The following CNGA3 variants were observed in gnomAD, a reference collection of about 807,000 sequenced individuals.
CNGA3 encodes the protein cyclic nucleotide gated channel subunit alpha 3.
In CNGA3, 42 loss-of-function variants were observed where a neutral mutation model predicts 46.6. That is an observed-to-expected ratio of 0.90 (90% CI 0.70 to 1.17). The LOEUF (loss-of-function observed/expected upper bound fraction) is 1.17, where lower values mean the gene tolerates loss of function less well. CNGA3 is among the 50% of genes most tolerant of loss of function. CNGA3 has a pLI of 0.00. For missense variants in CNGA3, 893 were observed against 890.7 expected, an observed-to-expected ratio of 1.00 and a Z score of -0.03; for synonymous variants, 394 against 369.4, an observed-to-expected ratio of 1.07 and a Z score of -0.76.
chr2:98,395,158 A>T (rs1692878871), intron 7 of CNGA3, among the ~76,000 whole-genome samples: 3 of 151,716 alleles, frequency 2.0e-5, no homozygotes, highest in African/African-American at 7.3e-5. Flanking sequence ...ATCAATTGAG[A>T]TCTGCCTCCG....
At chr2:98,380,402 G>A in intron 4 of CNGA3, 48 bp downstream of exon 4, 1 of 1,584,646 alleles carries the variant, frequency 6.3e-7, no homozygotes, top group South Asian at 1.1e-5. Flanking sequence ...GCTGGGGCCA[G>A]GCAGGAAGCC....
rs777928738 is a variant in CNGA3, at chr2:98,395,824, A to G, written c.674-20A>G. On this transcript the variant is annotated intron_variant, in intron 7 of 7. Coordinates refer to ENST00000272602, the MANE Select transcript of CNGA3 (RefSeq NM_001298.3). Reference sequence around the variant, plus strand: ...AAGTCAGCCTCTGTGATGCCCAATGACCTCCATCTTCTTCTTTAGGTTTTC... The same window carrying G: ...AAGTCAGCCTCTGTGATGCCCAATGGCCTCCATCTTCTTCTTTAGGTTTTC... 1 of 1,611,770 alleles carries G rather than the reference A, an allele frequency of 6.2e-7. No homozygotes were observed. The highest frequency in any genetic ancestry group is 1.3e-5 in the African/African-American group (1 of 74,838).
intron 1 of CNGA3, among the ~76,000 whole-genome samples, chr2:98,364,440 T>C (rs1178780285): frequency 6.6e-6 from 1 of 152,188 alleles, no homozygotes; most frequent in Non-Finnish European, 1.5e-5. Context: ...TTGCAACCCC[T>C]GCTTTTTTCT....
At chr2:98,380,485 A>G in intron 4 of CNGA3, 131 bp downstream of exon 4, 1 of 1,204,844 alleles carries the variant, frequency 8.3e-7, no homozygotes, top group South Asian at 1.3e-5. Flanking sequence ...TGTTCCTTGA[A>G]GAAAGTGTTT....
chr2:98,386,233 T>C (rs1283582181), intron 5 of CNGA3, among the ~76,000 whole-genome samples: 3 of 152,188 alleles, frequency 2.0e-5, no homozygotes, highest in Admixed American at 2.0e-4. Flanking sequence ...GGTTACCTCA[T>C]ATGGCAAAGG....
Position 98,398,159 on chromosome 2 carries a change from C to T in CNGA3, c.*904C>T, listed in dbSNP as rs867630128. 5.3e-5 allele frequency: 8 copies of T among 152,252 alleles called. No homozygotes were observed. The highest frequency in any genetic ancestry group is 3.4e-3 in the Middle Eastern group (1 of 294). The allele number at this position is 152,252 out of a possible 1,614,324, so 9.4% of individuals were successfully genotyped here. ...TTTTAGAAGATTAGACCATTAGGAA[C>T]GTATCTTTGCAAACTGCCCATTCAC... On this transcript the variant is annotated 3_prime_UTR_variant, in exon 8 of 8. Coordinates refer to ENST00000272602, the MANE Select transcript of CNGA3 (RefSeq NM_001298.3).
chr2:98,377,784 G>C lies in CNGA3; in HGVS notation c.199G>C (p.Gly67Arg), dbSNP rs147789073. 2 of 1,611,240 alleles carry C rather than the reference G, an allele frequency of 1.2e-6. No individual in the cohort carries two copies. Among genetic ancestry groups the C allele is most frequent in the Non-Finnish European group, 1.7e-6 (2 of 1,179,662 alleles). The change falls in exon 3 of 8, where the codon GGC (glycine) becomes CGC (arginine). Residue 67 changes from glycine (G) to arginine (R), a missense_variant. By Grantham distance (125) the Gly-to-Arg change is moderately radical. This residue lies in a region of CNGA3 where 333 missense variants were observed against 290.8 expected (regional missense o/e 1.15). Transcript: ENST00000272602. The stretch of plus-strand genomic sequence containing the variant: ...TGACTCCGGGCAGGGCTCCTTCACC[G>C]GCCAGGGGATCGCCAGGTAACTGAC... ...LADSGQGSFT[G>R]QGIARLSRLI... is the part of the protein sequence containing the mutation.
chr2:98,364,150 G>A (rs190536485), intron 1 of CNGA3, among the ~76,000 whole-genome samples: 2 of 152,190 alleles, frequency 1.3e-5, no homozygotes, highest in African/African-American at 4.8e-5. Flanking sequence ...GGCCAAGGTG[G>A]GCAGATCACT....
At chr2:98,390,174 C>T (rs1692752613) in intron 6 of CNGA3, among the ~76,000 whole-genome samples, 1 of 151,512 alleles carries the variant, frequency 6.6e-6, no homozygotes, top group African/African-American at 2.4e-5. Context: ...CTCACTCTGT[C>T]ACCCAGGCTG....
chr2:98,354,011 C>G (rs1691824252), intron 1 of CNGA3, among the ~76,000 whole-genome samples: 1 of 152,174 alleles, frequency 6.6e-6, no homozygotes, highest in Non-Finnish European at 1.5e-5. Context: ...CCACAAGGCT[C>G]CACCTCCAAC....
At chr2:98,384,352 C>T (rs899574528) in intron 5 of CNGA3, among the ~76,000 whole-genome samples, 22 of 152,114 alleles carry the variant, frequency 1.4e-4, no homozygotes, top group African/African-American at 5.1e-4. Flanking sequence ...TTAGGGACAG[C>T]GTGGCACTAT....
intron 1 of CNGA3, among the ~76,000 whole-genome samples, chr2:98,364,560 C>T (rs1444969743): frequency 6.6e-6 from 1 of 152,084 alleles, no homozygotes; most frequent in Non-Finnish European, 1.5e-5. Context: ...GGTCTTGACT[C>T]CTTATCGAGC....
chr2:98,366,715 A>G (rs1692160860), intron 1 of CNGA3, among the ~76,000 whole-genome samples: 1 of 152,214 alleles, frequency 6.6e-6, no homozygotes, highest in Admixed American at 6.5e-5. Context: ...TCCTGGGCCC[A>G]AACTGCCCAG....
intron 7 of CNGA3, among the ~76,000 whole-genome samples, chr2:98,393,205 C>T (rs371828214): frequency 2.6e-5 from 4 of 151,358 alleles, no homozygotes; most frequent in Non-Finnish European, 5.9e-5. Context: ...GTCATGGCCT[C>T]GGTTTACAGA....
intron 1 of CNGA3, among the ~76,000 whole-genome samples, chr2:98,368,190 C>T (rs763447351): frequency 1.3e-3 from 205 of 152,316 alleles, no homozygotes; most frequent in Non-Finnish European, 1.7e-3. Context: ...CCTGCTGAGC[C>T]GATGGCTGCC....
At chr2:98,352,070 A>C (rs1361514384) in intron 1 of CNGA3, among the ~76,000 whole-genome samples, 1 of 151,900 alleles carries the variant, frequency 6.6e-6, no homozygotes, top group Non-Finnish European at 1.5e-5. Flanking sequence ...GCCTTAATGG[A>C]TTTGCCTATT....
At chr2:98,347,461 T>C (rs1474311766) in intron 1 of CNGA3, among the ~76,000 whole-genome samples, 2 of 151,930 alleles carry the variant, frequency 1.3e-5, no homozygotes, top group Admixed American at 1.3e-4. Context: ...CCGGGCCGGG[T>C]GATTCATTTT....
intron 5 of CNGA3, among the ~76,000 whole-genome samples, chr2:98,386,128 C>T (rs1368267110): frequency 2.0e-5 from 3 of 152,134 alleles, no homozygotes; most frequent in East Asian, 1.9e-4. Flanking sequence ...GTGCCTGGTA[C>T]ATAGTAAGTG....
intron 1 of CNGA3, 50 bp downstream of exon 1, chr2:98,346,584 G>C (rs909662708): frequency 1.3e-5 from 5 of 397,044 alleles, no homozygotes; most frequent in Non-Finnish European, 2.2e-5. Context: ...GGGGCGCCGG[G>C]AGGTGTGCTG....
Sources: allele counts gnomAD v4.1 joint callset (sites outside exome capture counted in the v4.1 genomes callset), GRCh38; gene constraint gnomAD v4.1.1; regional missense constraint gnomAD v4.1.1; transcripts MANE v1.5; gene names NCBI Gene and HGNC (gene_info 2026-07-23, HGNC 2026-07-21).